Variants in B4GALT5 observed in about 807,000 individuals in gnomAD.
The protein encoded by B4GALT5 is UDP-Gal:beta-GlcNAc beta-1,4-galactosyltransferase 5.
A neutral mutation model predicts 45.0 loss-of-function variants in B4GALT5; 11 were observed. The observed-to-expected ratio is 0.24, with a 90% CI of 0.15 to 0.40. The LOEUF is 0.40. B4GALT5 is among the 10% of genes least tolerant of loss of function. The pLI is 1.00. For missense variants in B4GALT5, 337 were observed against 500.2 expected (o/e 0.67, Z 3.11); for synonymous variants, 185 against 182.9 (o/e 1.01, Z -0.09).
chr20:49,670,141 A>T (rs1025773962), intron 1 of B4GALT5, among the ~76,000 whole-genome samples: 2 of 152,234 alleles, frequency 1.3e-5, no homozygotes, highest in African/African-American at 2.4e-5. Flanking sequence ...AACAGCACAT[A>T]AACTGTGACA....
chr20:49,674,229 C>CAAAA (rs1377796417), intron 1 of B4GALT5, among the ~76,000 whole-genome samples: 1 of 64,182 alleles, frequency 1.6e-5, no homozygotes, highest in Admixed American at 1.8e-4. Flanking sequence ...GACTCCATCT[C>CAAAA]AAAAAAAAAA....
rs138727530 is a variant in B4GALT5 at position 49,643,922 on chromosome 20, C to CTTTT, written c.365-276_365-273dup. 9.8e-4 allele frequency among the ~76,000 whole-genome samples: 51 copies of CTTTT among 52,184 alleles called. 8 individuals carry two copies. The East Asian group carries it at 0.016, about 16-fold the overall frequency. The allele number at this position is 52,184 out of a possible 152,430, so 34.2% of individuals were successfully genotyped here. On this transcript the variant is annotated intron_variant, in intron 3 of 8. Coordinates refer to ENST00000371711, the MANE Select transcript of B4GALT5 (RefSeq NM_004776.4). ...AACTTTAAGTAAAACAGTAGCTGAG[C>CTTTT]TTTTTTTTTTTTTTTTTTTTTTTTT... is the stretch of plus-strand genomic sequence containing the variant.
intron 1 of B4GALT5, among the ~76,000 whole-genome samples, chr20:49,712,788 G>A (rs1298033457): frequency 6.6e-6 from 1 of 150,980 alleles, no homozygotes; most frequent in Non-Finnish European, 1.5e-5. Flanking sequence ...GAAAGTCTGG[G>A]GGGCTGGGGG....
intron 1 of B4GALT5, among the ~76,000 whole-genome samples, chr20:49,691,191 A>C (rs561858137): frequency 6.6e-6 from 1 of 152,160 alleles, no homozygotes; most frequent in African/African-American, 2.4e-5. Flanking sequence ...GGTGCGGGGC[A>C]ATCAGCCAGC....
At chr20:49,657,008 T>A (rs1159208228) in intron 1 of B4GALT5, among the ~76,000 whole-genome samples, 1 of 152,164 alleles carries the variant, frequency 6.6e-6, no homozygotes, top group Non-Finnish European at 1.5e-5. Context: ...ACTCTGATCA[T>A]CAGAAGAAAG....
intron 1 of B4GALT5, among the ~76,000 whole-genome samples, chr20:49,666,984 T>C (rs1408355593): frequency 6.6e-6 from 1 of 152,196 alleles, no homozygotes; most frequent in Non-Finnish European, 1.5e-5. Flanking sequence ...GCCTGTGTTT[T>C]ATCTCATTTC....
chr20:49,678,874 T>C (rs528829758), intron 1 of B4GALT5, among the ~76,000 whole-genome samples: 1 of 152,298 alleles, frequency 6.6e-6, no homozygotes, highest in South Asian at 2.1e-4. Flanking sequence ...TAAACATTGT[T>C]AGTGCTGTTA....
At chr20:49,712,435 G>C (rs1314451741) in intron 1 of B4GALT5, among the ~76,000 whole-genome samples, 1 of 134,972 alleles carries the variant, frequency 7.4e-6, no homozygotes, top group African/African-American at 2.7e-5. Flanking sequence ...GTGCCCTGTG[G>C]TCTTATAAAA....
intron 1 of B4GALT5, among the ~76,000 whole-genome samples, chr20:49,690,659 T>C (rs2085806830): frequency 6.6e-6 from 1 of 152,160 alleles, no homozygotes. Flanking sequence ...AAAAGTTATA[T>C]CTGTTACATC....
At chr20:49,654,919 C>A (rs571613389) in intron 2 of B4GALT5, among the ~76,000 whole-genome samples, 9 of 152,018 alleles carry the variant, frequency 5.9e-5, no homozygotes, top group Admixed American at 1.3e-4. Context: ...CCAGACTGGG[C>A]AACATGGTGA....
chr20:49,641,906 T>A (rs554810520), intron 5 of B4GALT5, among the ~76,000 whole-genome samples: 95 of 152,086 alleles, frequency 6.2e-4, no homozygotes, highest in African/African-American at 2.2e-3. Context: ...TCATGTTCCA[T>A]CTAAAGGCAA....
At chr20:49,677,557 C>G (rs2085743544) in intron 1 of B4GALT5, among the ~76,000 whole-genome samples, 1 of 152,146 alleles carries the variant, frequency 6.6e-6, no homozygotes, top group Admixed American at 6.5e-5. Flanking sequence ...AAAATGAATA[C>G]ATGAAAACTT....
intron 1 of B4GALT5, among the ~76,000 whole-genome samples, chr20:49,664,421 T>TATAC (rs2085679914): frequency 7.8e-6 from 1 of 128,822 alleles, no homozygotes; most frequent in African/African-American, 2.9e-5. Context: ...GGTCTCCAAA[T>TATAC]ACACACACAC....
intron 1 of B4GALT5, among the ~76,000 whole-genome samples, chr20:49,693,805 G>C (rs775694026): frequency 4.6e-5 from 7 of 152,186 alleles, no homozygotes; most frequent in Non-Finnish European, 1.0e-4. Context: ...GTGGACTCCA[G>C]GGCAGGTATG....
At chr20:49,637,287 C>T (rs962100212) in intron 8 of B4GALT5, 54 bp downstream of exon 8, 23 of 1,490,444 alleles carry the variant, frequency 1.5e-5, no homozygotes, top group African/African-American at 4.1e-5. Flanking sequence ...CTAAGATATC[C>T]GGACATGAAA....
intron 1 of B4GALT5, among the ~76,000 whole-genome samples, chr20:49,692,305 G>GGA (rs2085816906): frequency 7.0e-6 from 1 of 143,604 alleles, no homozygotes; most frequent in Non-Finnish European, 1.5e-5. Context: ...CTCTACAAAA[G>GGA]AAAAAAAAAA....
chr20:49,659,029 C>T (rs1429059303), intron 1 of B4GALT5, among the ~76,000 whole-genome samples: 5 of 152,220 alleles, frequency 3.3e-5, no homozygotes, highest in Admixed American at 3.3e-4. Flanking sequence ...ACTGAGAGCA[C>T]TAGAATTTGA....
Position 49,636,339 on chromosome 20 carries a change from G to A in B4GALT5, c.1140C>T (p.Pro380=), listed in dbSNP as rs761915077. 6.2e-7 allele frequency: 1 copy of A among 1,613,986 alleles called. No individual in the cohort carries two copies. The highest frequency in any genetic ancestry group is 1.3e-5 in the African/African-American group (1 of 74,904). Residue 380 remains proline (P), a synonymous_variant, in exon 9 of 9, where the codon CCC becomes CCT. Coordinates refer to ENST00000371711, the MANE Select transcript of B4GALT5 (RefSeq NM_004776.4). ...LYKNITVNLT[P]ELAQVNEY The stretch of plus-strand genomic sequence containing the variant: ...AGTACTCGTTCACCTGAGCCAGCTC[G>A]GGTGTCAGGTTGACAGTTATGTTTT...
chr20:49,669,269 C>T (rs1052466539), intron 1 of B4GALT5, among the ~76,000 whole-genome samples: 4 of 152,222 alleles, frequency 2.6e-5, no homozygotes, highest in Non-Finnish European at 5.9e-5. Flanking sequence ...GATACACCAA[C>T]TTCTATCCAT....
Sources: gnomAD v4.1 joint callset for allele counts (sites outside exome capture counted in the v4.1 genomes callset) on GRCh38, gnomAD v4.1.1 for gene constraint, MANE v1.5 for transcripts, NCBI Gene and HGNC (gene_info 2026-07-23, HGNC 2026-07-21) for gene names.